The following SNTG1 variants were observed in gnomAD, a reference collection of about 807,000 sequenced individuals.
SNTG1 encodes syntrophin gamma 1.
In SNTG1, 39 loss-of-function variants were observed where a neutral mutation model predicts 74.7. That is an observed-to-expected ratio of 0.52 (90% CI 0.40 to 0.68). SNTG1 has a LOEUF of 0.68. SNTG1 is among the 30% of genes least tolerant of loss of function. The pLI is 0.00. For missense variants in SNTG1, 685 were observed against 609.5 expected, an observed-to-expected ratio of 1.12 and a Z score of -1.30; for synonymous variants, 254 against 217.1, an observed-to-expected ratio of 1.17 and a Z score of -1.49.
chr8:50,534,062 GA>G (rs776683650), intron 10 of SNTG1, among the ~76,000 whole-genome samples: 1 of 152,116 alleles, frequency 6.6e-6, no homozygotes, highest in Non-Finnish European at 1.5e-5. Flanking sequence ...TAATATACCT[GA>G]AGTTATATAA....
intron 12 of SNTG1, among the ~76,000 whole-genome samples, chr8:50,578,276 G>T (rs912365629): frequency 6.6e-6 from 1 of 152,200 alleles, no homozygotes; most frequent in Admixed American, 6.5e-5. Flanking sequence ...TGATTATGTG[G>T]TACATGGGCA....
intron 1 of SNTG1, among the ~76,000 whole-genome samples, chr8:50,004,934 A>G (rs1284642223): frequency 6.6e-6 from 1 of 152,218 alleles, no homozygotes. Context: ...TGCACTGCTG[A>G]ATTAAACTGC....
intron 17 of SNTG1, among the ~76,000 whole-genome samples, chr8:50,746,721 C>A (rs1189755370): frequency 6.6e-6 from 1 of 151,180 alleles, no homozygotes; most frequent in Admixed American, 6.6e-5. Context: ...TGTGAGATAT[C>A]ATTAATTGGG....
chr8:50,081,445 G>A (rs1369187863), intron 1 of SNTG1, among the ~76,000 whole-genome samples: 2 of 151,902 alleles, frequency 1.3e-5, no homozygotes, highest in African/African-American at 2.4e-5. Context: ...TAAATCTATA[G>A]GTTAAAATTT....
At chr8:50,486,662 C>T (rs1475747460) in intron 8 of SNTG1, among the ~76,000 whole-genome samples, 4 of 148,418 alleles carry the variant, frequency 2.7e-5, no homozygotes, top group Non-Finnish European at 6.0e-5. Context: ...TGCCTAATTG[C>T]CCTGGCCAGA....
chr8:50,575,844 T>C (rs947244350), intron 12 of SNTG1: 3 of 152,236 alleles, frequency 2.0e-5, no homozygotes, highest in African/African-American at 7.2e-5. Flanking sequence ...ATCACAGAAA[T>C]GTTCATTCAT....
intron 15 of SNTG1, among the ~76,000 whole-genome samples, chr8:50,685,986 A>G (rs2095350893): frequency 6.6e-6 from 1 of 152,116 alleles, no homozygotes; most frequent in Non-Finnish European, 1.5e-5. Context: ...ACGGGTACCA[A>G]ACATGTACGG....
In SNTG1 at chr8:50,431,193, C is replaced by G. The variant is rs189961862; in HGVS notation, c.163-7350C>G. 2.6e-3 allele frequency among the ~76,000 whole-genome samples: 394 copies of G among 152,250 alleles called. 4 individuals carry two copies. The highest frequency in any genetic ancestry group is 8.5e-3 in the African/African-American group (352 of 41,540). On this transcript the variant is annotated intron_variant, in intron 4 of 18. Coordinates refer to ENST00000642720, the MANE Select transcript of SNTG1 (RefSeq NM_018967.5). ...TCTTGGTGCTCTAAAGTTCTATGGG[C>G]TTTGACAATGTATAATGGTATGCAA...
intron 13 of SNTG1, among the ~76,000 whole-genome samples, chr8:50,628,133 A>G (rs1219119972): frequency 6.6e-6 from 1 of 152,168 alleles, no homozygotes; most frequent in Non-Finnish European, 1.5e-5. Flanking sequence ...GTATTAAAAA[A>G]GTTCATATTT....
intron 2 of SNTG1, among the ~76,000 whole-genome samples, chr8:50,259,717 A>G (rs943909081): frequency 1.3e-5 from 2 of 152,118 alleles, no homozygotes; most frequent in African/African-American, 2.4e-5. Flanking sequence ...CATTCACACT[A>G]TAAGAAAAAG....
At chr8:50,431,680 T>C (rs2093237804) in intron 4 of SNTG1, among the ~76,000 whole-genome samples, 3 of 152,214 alleles carry the variant, frequency 2.0e-5, no homozygotes, top group African/African-American at 4.8e-5. Flanking sequence ...ACAGTATTCT[T>C]GAAAGCATTT....
chr8:50,139,606 A>G (rs572501670), intron 1 of SNTG1, among the ~76,000 whole-genome samples: 2 of 152,242 alleles, frequency 1.3e-5, no homozygotes, highest in African/African-American at 2.4e-5. Context: ...AACTTAAAAG[A>G]CTAGAAAGAC....
chr8:49,952,355 C>G (rs1809799032), intron 1 of SNTG1, among the ~76,000 whole-genome samples: 1 of 152,132 alleles, frequency 6.6e-6, no homozygotes, highest in African/African-American at 2.4e-5. Flanking sequence ...AGACCTCCCT[C>G]TAAGGGTGAG....
rs147578265 is a variant in SNTG1 at position 49,948,767 on chromosome 8, G to T, written c.-103+36536G>T. Among the ~76,000 whole-genome samples the T allele has an allele frequency of 6.1e-3, 925 of 152,294 alleles. 6 individuals carry two copies. Among genetic ancestry groups the T allele is most frequent in the Middle Eastern group, 0.014 (4 of 294 alleles). ...CGGCAAAATTAGTGAGAAGGATGCA[G>T]TGTCTCTGCTCCTCGGGCTGGAAGG... On this transcript the variant is annotated intron_variant, in intron 1 of 18. Transcript: ENST00000642720.
intron 2 of SNTG1, among the ~76,000 whole-genome samples, chr8:50,226,305 AACACTATGAG>A (rs1375747787): frequency 1.3e-5 from 2 of 152,158 alleles, no homozygotes; most frequent in Non-Finnish European, 1.5e-5. Flanking sequence ...ACTCTGGCAT[AACACTATGAG>A]ACAAGGAAGA....
At chr8:49,933,421 A>G (rs1183548772) in intron 1 of SNTG1, among the ~76,000 whole-genome samples, 2 of 152,202 alleles carry the variant, frequency 1.3e-5, no homozygotes, top group Non-Finnish European at 2.9e-5. Context: ...CTCAAGATTC[A>G]TTCCTAAATT....
intron 11 of SNTG1, among the ~76,000 whole-genome samples, chr8:50,550,372 A>G (rs567250403): frequency 6.6e-6 from 1 of 152,310 alleles, no homozygotes; most frequent in Non-Finnish European, 1.5e-5. Context: ...CATGTGGGGT[A>G]AAATCAACAA....
At chr8:50,589,087 C>T (rs2094673821) in intron 12 of SNTG1, among the ~76,000 whole-genome samples, 1 of 151,978 alleles carries the variant, frequency 6.6e-6, no homozygotes, top group Admixed American at 6.6e-5. Context: ...TTCTAAATTG[C>T]TCCCACTTTC....
At chr8:50,704,779 T>C in intron 16 of SNTG1, 27 bp downstream of exon 16, 1 of 1,612,692 alleles carries the variant, frequency 6.2e-7, no homozygotes. Context: ...CTGCAGGATG[T>C]GTGGCTCCCT....
Sources: gnomAD v4.1 joint callset for allele counts (sites outside exome capture counted in the v4.1 genomes callset) on GRCh38, gnomAD v4.1.1 for gene constraint, MANE v1.5 for transcripts, NCBI Gene and HGNC (gene_info 2026-07-23, HGNC 2026-07-21) for gene names.